The following ZNF454 variants were observed in gnomAD, a reference collection of about 807,000 sequenced individuals.
The protein encoded by ZNF454 is zinc finger protein 454.
A neutral mutation model predicts 48.2 loss-of-function variants in ZNF454; 30 were observed. That is an observed-to-expected ratio of 0.62 (90% confidence interval 0.47 to 0.84). The LOEUF (loss-of-function observed/expected upper bound fraction) is 0.84. Ranked by LOEUF, ZNF454 falls within the 40% of genes least tolerant of loss-of-function variation. The probability of loss-of-function intolerance (pLI) is 0.00; values close to 1 mark genes in which losing one functional copy is unlikely to be tolerated. For missense variants in ZNF454, 510 were observed against 623.1 expected (o/e 0.82, Z 1.93); for synonymous variants, 204 against 211.4 (o/e 0.97, Z 0.30).
chr5:178,969,959 A>G (rs569459688), downstream of ZNF454, among the ~76,000 whole-genome samples: 69 of 152,212 alleles, frequency 4.5e-4, no homozygotes, highest in African/African-American at 1.5e-3. Context: ...CTGATTTGTC[A>G]TCTGGGTTCT....
the ZNF454 span, chr5:178,989,530 A>G: frequency 5.3e-5 from 63 of 1,198,610 alleles, no homozygotes; most frequent in South Asian, 7.1e-4. Flanking sequence ...GGCCAGGTGA[A>G]CTAGGCATGG....
Position 178,965,041 on chromosome 5 carries a change from G to C in ZNF454, c.637G>C (p.Glu213Gln). 6.2e-7 allele frequency: 1 copy of C among 1,614,068 alleles called. No homozygotes were observed. The highest frequency in any genetic ancestry group is 1.3e-5 in the African/African-American group (1 of 75,006). The change falls in exon 5 of 5, where the codon GAG (glutamate) becomes CAG (glutamine). Residue 213 changes from glutamate to glutamine, a missense_variant. Transcript: ENST00000519564. This position sits in a 1 kb window ranked among gnomAD's most constrained non-coding sequence, Gnocchi z 5.2. ...TGCAAATCAGAAAATTCATATTAAG[G>C]AGAAAAGATATGAATGTAGAGAATG... ...KNANQKIHIK[E>Q]KRYECRECGK...
At chr5:178,976,229 T>C in the ZNF454 span, 7 of 374,606 alleles carry the variant, frequency 1.9e-5, no homozygotes, top group Admixed American at 2.0e-4. Flanking sequence ...TGCCCCATTC[T>C]CTGTACCCTG....
Position 178,966,082 on chromosome 5 carries a change from CTTTA to C in ZNF454, c.*114_*117del. ...ATGAAAGCTTGCATCAAGATAGTCA[CTTTA>C]TTTACTGAGGGTCAGGTTTCACAGT... On this transcript the variant is annotated 3_prime_UTR_variant, in exon 5 of 5. Coordinates refer to ENST00000519564, the MANE Select transcript of ZNF454 (RefSeq NM_001178089.3). The C allele has an allele frequency of 9.9e-7, 1 of 1,007,108 alleles. No individual in the cohort carries two copies. The highest frequency in any genetic ancestry group is 1.7e-5 in the South Asian group (1 of 57,504). 62.4% of individuals were successfully genotyped at this position (1,007,108 alleles called of 1,614,324 possible).
the ZNF454 span, chr5:178,985,676 C>G: frequency 5.1e-6 from 2 of 394,730 alleles, no homozygotes; most frequent in East Asian, 1.5e-4. Context: ...GCACTCCAGC[C>G]TGGGCGACAC....
At position 178,964,814 on chromosome 5, in the gene ZNF454, T is replaced by G; in HGVS notation, c.410T>G (p.Leu137Trp). The change falls in exon 5 of 5, where the codon TTG becomes TGG. Residue 137 changes from leucine (L) to tryptophan (W), a missense_variant. By Grantham distance (61) the Leu-to-Trp change is moderately conservative (BLOSUM62 -2). Transcript: ENST00000519564. Reference protein sequence around the residue: ...EWQCGGQEISLQRVVLTHPNT... With the variant: ...EWQCGGQEISWQRVVLTHPNT... Reference sequence around the variant, plus strand: ...CAATGTGGAGGCCAGGAGATCAGTTTGCAGCGAGTGGTACTCACTCACCCC... The same window carrying G: ...CAATGTGGAGGCCAGGAGATCAGTTGGCAGCGAGTGGTACTCACTCACCCC... 6.2e-7 allele frequency: 1 copy of G among 1,614,182 alleles called. No homozygotes were observed. The highest frequency in any genetic ancestry group is 8.5e-7 in the Non-Finnish European group (1 of 1,180,036).
the ZNF454 span, chr5:178,986,731 C>T: frequency 1.2e-6 from 2 of 1,605,878 alleles, no homozygotes; most frequent in Non-Finnish European, 8.5e-7. Context: ...GTGGGGGTCG[C>T]CAGACCACTG....
downstream of ZNF454, among the ~76,000 whole-genome samples, chr5:178,966,759 A>G (rs369284008): frequency 6.6e-6 from 1 of 152,056 alleles, no homozygotes; most frequent in East Asian, 1.9e-4. Context: ...CACCCAGTGT[A>G]GAGAAAGTAC....
At chr5:178,989,805 C>A in the ZNF454 span, 1 of 328,354 alleles carries the variant, frequency 3.0e-6, no homozygotes, top group South Asian at 2.8e-5. Flanking sequence ...GACTATGAGA[C>A]CATAAGCAGG....
the ZNF454 span, chr5:178,985,323 C>T: frequency 2.2e-6 from 1 of 453,718 alleles, no homozygotes; most frequent in Non-Finnish European, 4.4e-6. Flanking sequence ...CCCCGTTTTC[C>T]TTCAAGGACC....
At chr5:178,980,380 C>T in the ZNF454 span, 1 of 154,516 alleles carries the variant, frequency 6.5e-6, no homozygotes, top group Middle Eastern at 5.2e-4. The surrounding 1 kb of genome is among the most constrained non-coding windows in gnomAD (Gnocchi z 4.3). Context: ...CCTCCCCAGG[C>T]CTGGCGCTCA....
intron 4 of ZNF454, among the ~76,000 whole-genome samples, chr5:178,947,322 C>G (rs998465400): frequency 6.6e-6 from 1 of 152,232 alleles, no homozygotes; most frequent in African/African-American, 2.4e-5. Context: ...AGTGCAGTCT[C>G]TGCCTGCCCT....
At chr5:178,983,780 A>C in the ZNF454 span, among the ~76,000 whole-genome samples, 1 of 151,924 alleles carries the variant, frequency 6.6e-6, no homozygotes, top group South Asian at 2.1e-4. Context: ...TGGAGTTACC[A>C]CTCCCTCACA....
At chr5:178,974,912 C>T in the ZNF454 span, among the ~76,000 whole-genome samples, 1 of 152,166 alleles carries the variant, frequency 6.6e-6, no homozygotes. Context: ...ATAAGCTGGA[C>T]CACCACGGAT....
chr5:178,969,147 G>A (rs1760206676), downstream of ZNF454, among the ~76,000 whole-genome samples: 1 of 152,142 alleles, frequency 6.6e-6, no homozygotes, highest in Non-Finnish European at 1.5e-5. Context: ...GTAGGATGAC[G>A]AGCTCACTGC....
At chr5:178,967,296 TGA>T (rs1760178372), downstream of ZNF454, among the ~76,000 whole-genome samples, 3 of 152,168 alleles carry the variant, frequency 2.0e-5, no homozygotes, top group Admixed American at 2.0e-4. Flanking sequence ...TATGTGCAAT[TGA>T]TATAAGAGGT....
At chr5:178,985,701 T>TCAAAAA in the ZNF454 span, 3 of 346,336 alleles carry the variant, frequency 8.7e-6, no homozygotes, top group Admixed American at 3.8e-5. Flanking sequence ...AGACTCTGTC[T>TCAAAAA]AAAAAAAAAA....
chr5:178,972,816 C>T, the ZNF454 span, among the ~76,000 whole-genome samples: 21 of 152,122 alleles, frequency 1.4e-4, no homozygotes, highest in Middle Eastern at 3.4e-3. Flanking sequence ...GTGCTGACCC[C>T]GAGGACCTGT....
At chr5:178,975,892 C>G in the ZNF454 span, among the ~76,000 whole-genome samples, 1 of 152,180 alleles carries the variant, frequency 6.6e-6, no homozygotes, top group Non-Finnish European at 1.5e-5. Flanking sequence ...TGAAGGCCTT[C>G]GGAGCAAAAC....
Sources: gnomAD v4.1 joint callset for allele counts (sites outside exome capture counted in the v4.1 genomes callset) on GRCh38, gnomAD v4.1.1 for gene constraint, Gnocchi (gnomAD v3.1) non-coding constraint, MANE v1.5 for transcripts, NCBI Gene and HGNC (gene_info 2026-07-23, HGNC 2026-07-21) for gene names.